The following FRMD5 variants were observed in gnomAD, a reference collection of about 807,000 sequenced individuals.
The protein encoded by FRMD5 is FERM domain containing 5, also known as FERM domain-containing protein 5.
A neutral mutation model predicts 69.0 loss-of-function variants in FRMD5; 20 were observed. The observed-to-expected ratio is 0.29, with a 90% CI of 0.20 to 0.42. The LOEUF is 0.42. Ranked by LOEUF, FRMD5 falls within the 10% of genes least tolerant of loss-of-function variation. FRMD5 has a pLI of 1.00. For synonymous variants in FRMD5, 271 were observed against 260.1 expected, an observed-to-expected ratio of 1.04 and a Z score of -0.40; for missense variants, 595 against 708.6, an observed-to-expected ratio of 0.84 and a Z score of 1.82.
chr15:44,146,877 T>G (rs2077364969), intron 1 of FRMD5, among the ~76,000 whole-genome samples: 1 of 152,192 alleles, frequency 6.6e-6, no homozygotes, highest in Non-Finnish European at 1.5e-5. Flanking sequence ...TTAAGTTCCT[T>G]GTAGATTCTG....
intron 1 of FRMD5, among the ~76,000 whole-genome samples, chr15:44,055,520 T>C (rs1892836276): frequency 6.6e-6 from 1 of 152,218 alleles, no homozygotes; most frequent in African/African-American, 2.4e-5. Flanking sequence ...ATAAAGTCAC[T>C]ATACACACTA....
intron 1 of FRMD5, among the ~76,000 whole-genome samples, chr15:43,958,653 C>T (rs1008821977): frequency 2.0e-5 from 3 of 152,096 alleles, no homozygotes; most frequent in African/African-American, 4.8e-5. Flanking sequence ...AAGTTGGTCT[C>T]GAATTCCTGG....
chr15:43,906,726 C>T (rs7173288), intron 5 of FRMD5, among the ~76,000 whole-genome samples: 5,156 of 148,206 alleles, frequency 0.035, 179 homozygotes, highest in Non-Finnish European at 0.049. Flanking sequence ...CTCAGCCTCC[C>T]GCGTAGCTGG....
At chr15:44,015,334 G>A (rs1890908867) in intron 1 of FRMD5, among the ~76,000 whole-genome samples, 1 of 152,046 alleles carries the variant, frequency 6.6e-6, no homozygotes, top group African/African-American at 2.4e-5. Context: ...CAGAGCTGGG[G>A]TCTCATTATG....
intron 1 of FRMD5, among the ~76,000 whole-genome samples, chr15:43,972,585 T>C (rs891733088): frequency 1.3e-5 from 2 of 152,150 alleles, no homozygotes; most frequent in Non-Finnish European, 2.9e-5. Flanking sequence ...CATGATGTAG[T>C]TACTGCAGCA....
At chr15:44,008,960 AG>A (rs1890587667) in intron 1 of FRMD5, among the ~76,000 whole-genome samples, 1 of 152,120 alleles carries the variant, frequency 6.6e-6, no homozygotes, top group Non-Finnish European at 1.5e-5. Context: ...CGGGAGGCGG[AG>A]CTTGCAGTGA....
rs1567202147 is a variant in FRMD5 at position 43,875,366 on chromosome 15, ATAT to A, written c.1136-907_1136-905del. ...ACTGTCTCAAAAAAAAAAAAAAAAT[ATAT>A]ATATATATATATATATATATATATG... On this transcript the variant is annotated intron_variant, in intron 13 of 13. Transcript: ENST00000417257. Among the ~76,000 whole-genome samples the A allele has an allele frequency of 7.0e-3, 561 of 79,782 alleles. 6 individuals are homozygous for A. The highest frequency in any genetic ancestry group is 0.036 in the East Asian group (85 of 2,358). 52.3% of individuals were successfully genotyped at this position (79,782 alleles called of 152,430 possible). A position where few individuals can be genotyped will look rare whatever the true frequency, so the allele number is the denominator to read the frequency against.
intron 1 of FRMD5, among the ~76,000 whole-genome samples, chr15:44,159,676 T>C (rs186083463): frequency 4.3e-4 from 66 of 152,220 alleles, no homozygotes; most frequent in African/African-American, 6.0e-4. Context: ...TCAGGAAGCA[T>C]TGGTAATTCT....
At chr15:43,904,399 C>G (rs921381124) in intron 6 of FRMD5, among the ~76,000 whole-genome samples, 1 of 152,102 alleles carries the variant, frequency 6.6e-6, no homozygotes, top group African/African-American at 2.4e-5. Context: ...GACAGGGTCT[C>G]GCTCTGTGGC....
chr15:44,183,802 C>T (rs569536327), intron 1 of FRMD5, among the ~76,000 whole-genome samples: 9 of 151,900 alleles, frequency 5.9e-5, no homozygotes, highest in Non-Finnish European at 2.9e-5. Flanking sequence ...GTCAACATGG[C>T]GAAACCCTGT....
chr15:43,924,127 T>C (rs1426074151), intron 2 of FRMD5, 78 bp downstream of exon 2: 3 of 1,110,726 alleles, frequency 2.7e-6, no homozygotes, highest in Non-Finnish European at 4.1e-6. Flanking sequence ...AGCTTGACTT[T>C]GAATATGAAT....
At chr15:44,160,756 C>G (rs1366224969) in intron 1 of FRMD5, among the ~76,000 whole-genome samples, 1 of 152,168 alleles carries the variant, frequency 6.6e-6, no homozygotes, top group East Asian at 1.9e-4. Flanking sequence ...ATCCTAATTC[C>G]ATTTTTATGG....
At chr15:44,053,276 G>A (rs749226980) in intron 1 of FRMD5, among the ~76,000 whole-genome samples, 2 of 152,184 alleles carry the variant, frequency 1.3e-5, no homozygotes. Flanking sequence ...AGTAGTCCTT[G>A]CCAGTCATGG....
chr15:43,955,418 C>T (rs2090098764), intron 1 of FRMD5, among the ~76,000 whole-genome samples: 1 of 152,210 alleles, frequency 6.6e-6, no homozygotes, highest in South Asian at 2.1e-4. Context: ...AAGTTATCAT[C>T]TCAAGCCAAA....
chr15:44,063,979 T>C, intron 1 of FRMD5: 2 of 234,532 alleles, frequency 8.5e-6, no homozygotes, highest in East Asian at 1.2e-4. Context: ...CACCAATTGC[T>C]CAGTTCCCCT....
At chr15:44,124,822 A>C (rs550644703) in intron 1 of FRMD5, among the ~76,000 whole-genome samples, 1 of 152,194 alleles carries the variant, frequency 6.6e-6, no homozygotes, top group Non-Finnish European at 1.5e-5. Context: ...GGATATATGA[A>C]TAAGACAGAC....
At chr15:44,131,654 T>C (rs988516511) in intron 1 of FRMD5, among the ~76,000 whole-genome samples, 1 of 129,178 alleles carries the variant, frequency 7.7e-6, no homozygotes, top group African/African-American at 2.7e-5. Flanking sequence ...TAGATGAACC[T>C]TGAAAACATT....
chr15:44,169,412 T>TA (rs1447847997), intron 1 of FRMD5, among the ~76,000 whole-genome samples: 18 of 151,814 alleles, frequency 1.2e-4, no homozygotes, highest in South Asian at 2.1e-4. Flanking sequence ...ATAGTTATTT[T>TA]AAAAAAAACC....
At chr15:43,943,551 T>C (rs546882599) in intron 1 of FRMD5, among the ~76,000 whole-genome samples, 1 of 152,316 alleles carries the variant, frequency 6.6e-6, no homozygotes, top group East Asian at 1.9e-4. Flanking sequence ...TCTTTGCAGA[T>C]GTAATTAGTT....
Sources: allele counts gnomAD v4.1 joint callset (sites outside exome capture counted in the v4.1 genomes callset), GRCh38; gene constraint gnomAD v4.1.1; transcripts MANE v1.5; gene names NCBI Gene and HGNC (gene_info 2026-07-23, HGNC 2026-07-21).